The following HEMK2 variants were observed in gnomAD, a reference collection of about 807,000 sequenced individuals.
The protein encoded by HEMK2 is methyltransferase HEMK2.
chr21:28,717,502 C>T, the HEMK2 span, among the ~76,000 whole-genome samples: 6 of 62,788 alleles, frequency 9.6e-5, no homozygotes, highest in East Asian at 8.6e-4. Context: ...TTTTTTGAGA[C>T]GGAGTCTCAC....
chr21:28,746,685 A>C, the HEMK2 span, among the ~76,000 whole-genome samples: 1 of 152,140 alleles, frequency 6.6e-6, no homozygotes, highest in Non-Finnish European at 1.5e-5. Context: ...AAAAAAAAAA[A>C]AACTATATGA....
chr21:28,797,600 A>AC, the HEMK2 span, among the ~76,000 whole-genome samples: 1 of 151,538 alleles, frequency 6.6e-6, no homozygotes, highest in East Asian at 1.9e-4. Flanking sequence ...GGGTGACAGT[A>AC]TGAGACTCTG....
At chr21:28,740,490 T>A in the HEMK2 span, among the ~76,000 whole-genome samples, 1 of 152,214 alleles carries the variant, frequency 6.6e-6, no homozygotes, top group South Asian at 2.1e-4. Context: ...ATATGGGCAA[T>A]AGTGATTGTT....
the HEMK2 span, among the ~76,000 whole-genome samples, chr21:28,651,402 G>C: frequency 6.6e-6 from 1 of 152,126 alleles, no homozygotes; most frequent in Non-Finnish European, 1.5e-5. Context: ...CTGAATCAAG[G>C]CTTTTATGGA....
the HEMK2 span, among the ~76,000 whole-genome samples, chr21:28,728,499 C>T: frequency 8.9e-6 from 1 of 112,084 alleles, no homozygotes; most frequent in African/African-American, 4.7e-5. Flanking sequence ...CATGGAAGAA[C>T]TCTTAAGTAT....
At chr21:28,721,248 T>C in the HEMK2 span, among the ~76,000 whole-genome samples, 1 of 152,146 alleles carries the variant, frequency 6.6e-6, no homozygotes, top group Middle Eastern at 3.2e-3. Context: ...CCCTGGTAGC[T>C]GGGACTACAG....
the HEMK2 span, among the ~76,000 whole-genome samples, chr21:28,737,651 A>G: frequency 6.6e-6 from 1 of 152,144 alleles, no homozygotes; most frequent in African/African-American, 2.4e-5. Context: ...TGCCTTAGAA[A>G]TGTGCACCAA....
chr21:28,575,601 ATTTT>A, the HEMK2 span, among the ~76,000 whole-genome samples: 1 of 152,012 alleles, frequency 6.6e-6, no homozygotes, highest in African/African-American at 2.4e-5. Context: ...ATCACTGTGG[ATTTT>A]TTTTGTCTTT....
chr21:28,807,105 T>C, the HEMK2 span, among the ~76,000 whole-genome samples: 5 of 152,288 alleles, frequency 3.3e-5, no homozygotes, highest in East Asian at 5.8e-4. Flanking sequence ...CCAAAGGTAT[T>C]ATCTACCATC....
At chr21:28,784,170 TCTGCCTG>T in the HEMK2 span, among the ~76,000 whole-genome samples, 10 of 152,228 alleles carry the variant, frequency 6.6e-5, no homozygotes, top group Non-Finnish European at 1.3e-4. Flanking sequence ...GGCAGGCAGC[TCTGCCTG>T]CGGCCCCGGT....
At chr21:28,809,133 TTAG>T in the HEMK2 span, among the ~76,000 whole-genome samples, 5 of 152,250 alleles carry the variant, frequency 3.3e-5, no homozygotes, top group African/African-American at 9.6e-5. Context: ...GGATTGCTGA[TTAG>T]TAGTATAAAC....
the HEMK2 span, among the ~76,000 whole-genome samples, chr21:28,823,916 T>C: frequency 5.3e-5 from 8 of 152,282 alleles, no homozygotes; most frequent in Middle Eastern, 6.8e-3. Flanking sequence ...CTGCCAATCA[T>C]CTCCATCAGA....
At chr21:28,835,301 T>C in the HEMK2 span, among the ~76,000 whole-genome samples, 1 of 152,154 alleles carries the variant, frequency 6.6e-6, no homozygotes, top group Non-Finnish European at 1.5e-5. Context: ...GACACATAGA[T>C]GGTTCACGTA....
At chr21:28,657,830 C>G in the HEMK2 span, among the ~76,000 whole-genome samples, 1 of 151,908 alleles carries the variant, frequency 6.6e-6, no homozygotes, top group African/African-American at 2.4e-5. Flanking sequence ...TATCTTGGGC[C>G]AAGCTTCCTA....
the HEMK2 span, among the ~76,000 whole-genome samples, chr21:28,634,891 T>C: frequency 6.6e-6 from 1 of 152,144 alleles, no homozygotes; most frequent in African/African-American, 2.4e-5. Context: ...GCTGTTACTA[T>C]TACACCAGGT....
chr21:28,837,551 G>A, the HEMK2 span, among the ~76,000 whole-genome samples: 2 of 152,102 alleles, frequency 1.3e-5, no homozygotes, highest in African/African-American at 2.4e-5. Flanking sequence ...AGGCAGTGCT[G>A]AGTGGAAAGT....
the HEMK2 span, among the ~76,000 whole-genome samples, chr21:28,788,216 A>ACG: frequency 1.2e-4 from 16 of 133,584 alleles, no homozygotes; most frequent in African/African-American, 5.1e-4. Context: ...ATACGTATAT[A>ACG]TGTATATATA....
At chr21:28,856,586 T>G in the HEMK2 span, among the ~76,000 whole-genome samples, 663 of 152,266 alleles carry the variant, frequency 4.4e-3, 3 homozygotes, top group African/African-American at 0.015. Context: ...AATTGAGGTA[T>G]CCAGGTATCC....
chr21:28,592,096 T>A, the HEMK2 span, among the ~76,000 whole-genome samples: 1 of 152,182 alleles, frequency 6.6e-6, no homozygotes, highest in Non-Finnish European at 1.5e-5. Flanking sequence ...GAACGGTAGT[T>A]CTGTTTTTAG....
Sources: gnomAD v4.1 joint callset for allele counts (sites outside exome capture counted in the v4.1 genomes callset) on GRCh38, gnomAD v4.1.1 for gene constraint, MANE v1.5 for transcripts, NCBI Gene and HGNC (gene_info 2026-07-23, HGNC 2026-07-21) for gene names.